ERG: variants seen among roughly 807,000 people sequenced by gnomAD.
ERG encodes the protein transcriptional regulator ERG.
In ERG, 9 loss-of-function variants were observed where a neutral mutation model predicts 55.3. That is an observed-to-expected ratio of 0.16 (90% CI 0.10 to 0.28). The LOEUF is 0.28. Ranked by LOEUF, ERG falls within the 10% of genes least tolerant of loss-of-function variation. ERG has a pLI of 1.00. For missense variants in ERG, 434 were observed against 631.6 expected, an observed-to-expected ratio of 0.69 and a Z score of 3.35; for synonymous variants, 223 against 237.3, an observed-to-expected ratio of 0.94 and a Z score of 0.55.
chr21:38,427,065 C>T (rs1326244706), intron 2 of ERG, among the ~76,000 whole-genome samples: 2 of 152,152 alleles, frequency 1.3e-5, no homozygotes, highest in Admixed American at 6.5e-5. Context: ...GCATAGATCA[C>T]AAGAGTTTCT....
intron 1 of ERG, among the ~76,000 whole-genome samples, chr21:38,474,322 T>A (rs2059167652): frequency 6.6e-6 from 1 of 151,498 alleles, no homozygotes; most frequent in African/African-American, 2.4e-5. Context: ...TGGAAGTTCA[T>A]TGCGTGCAGC....
intron 1 of ERG, among the ~76,000 whole-genome samples, chr21:38,602,026 C>T (rs980501587): frequency 1.4e-4 from 21 of 152,266 alleles, no homozygotes; most frequent in African/African-American, 4.6e-4. Context: ...ACTTCTGAGT[C>T]ACTTCTGTTG....
chr21:38,380,630 C>T lies in ERG; in HGVS notation c.*2773G>A. ...AGGGGGCTTTGGAATTAGATTACAA[C>T]AGTAACAGAGAGTTAATGCCATTTT... On this transcript the variant is annotated 3_prime_UTR_variant, in exon 10 of 10. Coordinates refer to ENST00000288319, the MANE Select transcript of ERG (RefSeq NM_182918.4). 9.4e-7 allele frequency: 1 copy of T among 1,065,268 alleles called. No individual in the cohort carries two copies. The highest frequency in any genetic ancestry group is 1.1e-6 in the Non-Finnish European group (1 of 879,290). 66.0% of individuals were successfully genotyped at this position (1,065,268 alleles called of 1,614,324 possible).
chr21:38,583,846 C>T (rs1184114050), intron 1 of ERG, among the ~76,000 whole-genome samples: 1 of 152,186 alleles, frequency 6.6e-6, no homozygotes, highest in Non-Finnish European at 1.5e-5. Flanking sequence ...TCAGAGGGAA[C>T]CACTTGGGCT....
Position 38,561,031 on chromosome 21 carries a change from T to A in ERG, c.-41+14631A>T, listed in dbSNP as rs909695564. Among the ~76,000 whole-genome samples, 134 of 152,346 alleles carry A rather than the reference T, an allele frequency of 8.8e-4. 1 individual carries two copies. Among genetic ancestry groups the A allele is most frequent in the African/African-American group, 3.2e-3 (132 of 41,586 alleles). On this transcript the variant is annotated intron_variant, in intron 2 of 8. Transcript: ENST00000398897. ...ATACTATAAAATGTGGGGTTTTTTT[T>A]AATGTCTTTTTTTTCTTATTCAGAG...
At chr21:38,545,145 A>G (rs1403996795) in intron 2 of ERG, among the ~76,000 whole-genome samples, 2 of 152,044 alleles carry the variant, frequency 1.3e-5, no homozygotes, top group Non-Finnish European at 2.9e-5. Context: ...TTCCTATATA[A>G]TTCTCTACAC....
chr21:38,560,770 C>T (rs1033702851), intron 2 of ERG, among the ~76,000 whole-genome samples: 4 of 152,168 alleles, frequency 2.6e-5, no homozygotes, highest in South Asian at 4.1e-4. Flanking sequence ...CGCTATTTAG[C>T]CATTTCAAAG....
intron 1 of ERG, among the ~76,000 whole-genome samples, chr21:38,469,950 T>C (rs1034669669): frequency 2.0e-5 from 3 of 152,224 alleles, no homozygotes; most frequent in African/African-American, 7.2e-5. Flanking sequence ...TAATCTATAT[T>C]GCAAACAGAT....
At chr21:38,488,256 T>C (rs1368673581) in intron 1 of ERG, among the ~76,000 whole-genome samples, 2 of 152,146 alleles carry the variant, frequency 1.3e-5, no homozygotes, top group African/African-American at 2.4e-5. Context: ...CCAGCAATGA[T>C]TGGCTGCTGA....
At chr21:38,400,721 A>G in intron 5 of ERG, 76 bp from the exon 6 acceptor site, 1 of 1,143,790 alleles carries the variant, frequency 8.7e-7, no homozygotes, top group Non-Finnish European at 1.3e-6. Context: ...CGCCAAATCT[A>G]CTTTTCCCTA....
At chr21:38,368,817 T>C in the ERG span, among the ~76,000 whole-genome samples, 2 of 152,150 alleles carry the variant, frequency 1.3e-5, no homozygotes, top group South Asian at 2.1e-4. Context: ...CCTCTATGCG[T>C]CCATGTATTC....
upstream of ERG, among the ~76,000 whole-genome samples, chr21:38,587,326 T>C (rs374725534): frequency 5.3e-5 from 8 of 151,662 alleles, 1 homozygote; most frequent in South Asian, 1.7e-3. Context: ...AGGGGGACGG[T>C]GCAGTAGATC....
chr21:38,452,473 C>T (rs981744891), intron 1 of ERG, among the ~76,000 whole-genome samples: 10 of 152,032 alleles, frequency 6.6e-5, no homozygotes, highest in East Asian at 1.9e-4. Flanking sequence ...AAATATCATA[C>T]ATATGTATAC....
At chr21:38,597,315 T>G (rs2060137089) in intron 1 of ERG, among the ~76,000 whole-genome samples, 5 of 152,216 alleles carry the variant, frequency 3.3e-5, no homozygotes, top group Admixed American at 3.3e-4. Context: ...TATATATATT[T>G]ACATACATAT....
intron 5 of ERG, among the ~76,000 whole-genome samples, chr21:38,401,668 G>A (rs78778556): frequency 1.2e-3 from 177 of 152,222 alleles, no homozygotes; most frequent in Middle Eastern, 3.4e-3. Context: ...GGCACTTCCC[G>A]TCTCCCTCCC....
At chr21:38,408,226 G>C (rs1183343998) in intron 3 of ERG, among the ~76,000 whole-genome samples, 1 of 152,170 alleles carries the variant, frequency 6.6e-6, no homozygotes, top group Non-Finnish European at 1.5e-5. Flanking sequence ...CGGAGGTGTT[G>C]CAATAGAGGA....
intron 1 of ERG, among the ~76,000 whole-genome samples, chr21:38,648,033 C>A (rs1366623469): frequency 2.0e-5 from 3 of 152,228 alleles, no homozygotes; most frequent in Non-Finnish European, 2.9e-5. Flanking sequence ...ATGCAGCAAT[C>A]TTTGCCTTGC....
intron 2 of ERG, among the ~76,000 whole-genome samples, chr21:38,565,022 AT>A (rs2059914511): frequency 6.6e-6 from 1 of 152,202 alleles, no homozygotes; most frequent in Non-Finnish European, 1.5e-5. Flanking sequence ...CTTCCTGCTC[AT>A]TGCAACTGTC....
intron 2 of ERG, among the ~76,000 whole-genome samples, chr21:38,433,436 C>T (rs890625803): frequency 1.3e-5 from 2 of 152,078 alleles, no homozygotes; most frequent in South Asian, 2.1e-4. Context: ...AAAAAAAAAG[C>T]GGGGTTGGTG....
Sources: gnomAD v4.1 joint callset for allele counts (sites outside exome capture counted in the v4.1 genomes callset) on GRCh38, gnomAD v4.1.1 for gene constraint, MANE v1.5 for transcripts, NCBI Gene and HGNC (gene_info 2026-07-23, HGNC 2026-07-21) for gene names.